Variants in MICU1 observed in about 807,000 individuals in gnomAD.
MICU1 encodes the protein mitochondrial calcium uptake 1.
Under a neutral mutation model 56.8 loss-of-function variants are expected in MICU1, and 45 were observed. That is an observed-to-expected ratio of 0.79 (90% confidence interval 0.62 to 1.02). The LOEUF (loss-of-function observed/expected upper bound fraction) is 1.02. Ranked by LOEUF, MICU1 falls within the 50% of genes least tolerant of loss-of-function variation. The pLI is 0.00. For missense variants in MICU1, 504 were observed against 587.1 expected (o/e 0.86, Z 1.46); for synonymous variants, 186 against 195.1 (o/e 0.95, Z 0.39).
intron 5 of MICU1, among the ~76,000 whole-genome samples, chr10:72,515,207 A>G (rs1867609073): frequency 2.0e-5 from 3 of 152,236 alleles, no homozygotes; most frequent in African/African-American, 7.2e-5. Context: ...GTAAGTTAAA[A>G]TACAATGTTC....
At chr10:72,477,750 G>T in intron 6 of MICU1, 1 of 569,948 alleles carries the variant, frequency 1.8e-6, no homozygotes, top group Non-Finnish European at 3.1e-6. Flanking sequence ...AGGAGTTCTG[G>T]GCATGTCACC....
chr10:72,619,891 A>T (rs896156610), intron 1 of MICU1, among the ~76,000 whole-genome samples: 11 of 152,140 alleles, frequency 7.2e-5, no homozygotes, highest in African/African-American at 2.7e-4. Flanking sequence ...GGGGAGGAAA[A>T]AGTGTCTCAT....
At chr10:72,467,509 G>A (rs1195782929) in intron 8 of MICU1, among the ~76,000 whole-genome samples, 2 of 151,936 alleles carry the variant, frequency 1.3e-5, no homozygotes, top group East Asian at 3.9e-4. Flanking sequence ...TAATAGAAAC[G>A]GGGATTCGCC....
At chr10:72,462,884 G>A (rs1865680155) in intron 8 of MICU1, among the ~76,000 whole-genome samples, 2 of 152,282 alleles carry the variant, frequency 1.3e-5, no homozygotes, top group South Asian at 4.1e-4. Flanking sequence ...ACTTATTTAT[G>A]AGCTCCTTTT....
chr10:72,369,701 TG>T (rs202172267), intron 11 of MICU1, among the ~76,000 whole-genome samples: 1,665 of 150,636 alleles, frequency 0.011, 22 homozygotes, highest in African/African-American at 0.039. Flanking sequence ...TTTTTTTTTT[TG>T]TTGTTGTTGT....
intron 1 of MICU1, among the ~76,000 whole-genome samples, chr10:72,588,583 CAGTT>C (rs1165909191): frequency 2.0e-5 from 3 of 152,146 alleles, no homozygotes; most frequent in Admixed American, 6.5e-5. Flanking sequence ...CAACAAAACT[CAGTT>C]AGACATAAAA....
chr10:72,464,294 TCAAAAAA>T (rs1865723574), intron 8 of MICU1, among the ~76,000 whole-genome samples: 1 of 42,102 alleles, frequency 2.4e-5, no homozygotes, highest in African/African-American at 1.3e-4. Flanking sequence ...AGATTCTGTC[TCAAAAAA>T]AAAAAAAAAA....
chr10:72,426,546 C>T (rs1170455275), intron 8 of MICU1, among the ~76,000 whole-genome samples: 1 of 151,848 alleles, frequency 6.6e-6, no homozygotes, highest in East Asian at 1.9e-4. Context: ...TATAGGCATG[C>T]ACCACCATGC....
chr10:72,481,765 TC>T (rs1221956501), intron 6 of MICU1, among the ~76,000 whole-genome samples: 2 of 152,150 alleles, frequency 1.3e-5, no homozygotes, highest in South Asian at 2.1e-4. Flanking sequence ...AGTGAGGCTT[TC>T]CCCCCTGCTA....
chr10:72,551,924 T>C (rs1331146963), intron 3 of MICU1, among the ~76,000 whole-genome samples: 4 of 152,094 alleles, frequency 2.6e-5, no homozygotes, highest in Admixed American at 2.0e-4. Flanking sequence ...GAAGTAGCCA[T>C]TGCACCTGGC....
intron 5 of MICU1, among the ~76,000 whole-genome samples, chr10:72,513,386 T>C (rs964250169): frequency 6.6e-6 from 1 of 152,212 alleles, no homozygotes; most frequent in African/African-American, 2.4e-5. Flanking sequence ...AATCCTTTGC[T>C]CATTTTTGAA....
chr10:72,410,297 T>C (rs1189741100), intron 9 of MICU1, among the ~76,000 whole-genome samples: 1 of 152,198 alleles, frequency 6.6e-6, no homozygotes, highest in Non-Finnish European at 1.5e-5. Context: ...CAGTGATGCA[T>C]CTGTACTTAG....
intron 1 of MICU1, among the ~76,000 whole-genome samples, chr10:72,586,741 A>G (rs1194285552): frequency 6.6e-6 from 1 of 152,112 alleles, no homozygotes; most frequent in Non-Finnish European, 1.5e-5. Context: ...TGGAATACTA[A>G]TTTAAATCTT....
At chr10:72,600,704 A>G (rs1292943024) in intron 1 of MICU1, among the ~76,000 whole-genome samples, 1 of 151,996 alleles carries the variant, frequency 6.6e-6, no homozygotes, top group Admixed American at 6.6e-5. Flanking sequence ...GTCACACCTT[A>G]AACTGCAAAC....
At chr10:72,485,623 T>C (rs11816882) in intron 6 of MICU1, among the ~76,000 whole-genome samples, 87,262 of 151,144 alleles carry the variant, frequency 0.58, 25,980 homozygotes, top group Non-Finnish European at 0.67. Flanking sequence ...CAAATCCAAA[T>C]AGTCCACTAG....
At chr10:72,452,061 T>C (rs1008662186) in intron 8 of MICU1, among the ~76,000 whole-genome samples, 2 of 152,016 alleles carry the variant, frequency 1.3e-5, no homozygotes, top group Admixed American at 6.6e-5. Context: ...AGAGACAGGG[T>C]TTCACCATGT....
intron 10 of MICU1, among the ~76,000 whole-genome samples, chr10:72,376,893 T>G (rs1457564578): frequency 6.6e-6 from 1 of 151,100 alleles, no homozygotes; most frequent in Non-Finnish European, 1.5e-5. Flanking sequence ...TATTTATATA[T>G]ATATTTATAG....
At chr10:72,415,794 G>A (rs1481810885) in intron 9 of MICU1, among the ~76,000 whole-genome samples, 1 of 152,144 alleles carries the variant, frequency 6.6e-6, no homozygotes, top group Non-Finnish European at 1.5e-5. Flanking sequence ...TTTAAACCAT[G>A]GAGAATAAGG....
intron 10 of MICU1, among the ~76,000 whole-genome samples, chr10:72,399,383 G>T (rs898341232): frequency 6.6e-6 from 1 of 152,088 alleles, no homozygotes; most frequent in Non-Finnish European, 1.5e-5. Context: ...GATGGGTGCA[G>T]CAAACCACCA....
Sources: gnomAD v4.1 joint callset for allele counts (sites outside exome capture counted in the v4.1 genomes callset) on GRCh38, gnomAD v4.1.1 for gene constraint, MANE v1.5 for transcripts, NCBI Gene and HGNC (gene_info 2026-07-23, HGNC 2026-07-21) for gene names.